Variants in BTC observed in about 807,000 individuals in gnomAD.
BTC encodes the protein probetacellulin.
BTC carries 13 observed loss-of-function variants against 18.1 expected under a neutral mutation model. The ratio of observed to expected loss-of-function variants is 0.72; its 90% CI spans 0.47 to 1.14. The LOEUF is 1.14. Among genes scored for constraint, BTC ranks in the 50% most tolerant of loss-of-function variants. The pLI, the probability that BTC is intolerant of heterozygous loss-of-function variation, is 0.00. For synonymous variants in BTC, 83 were observed against 79.4 expected, an observed-to-expected ratio of 1.05 and a Z score of -0.24; for missense variants, 247 against 224.2, an observed-to-expected ratio of 1.10 and a Z score of -0.65.
chr4:74,772,046 A>G (rs1725057315), intron 1 of BTC, among the ~76,000 whole-genome samples: 1 of 152,212 alleles, frequency 6.6e-6, no homozygotes, highest in East Asian at 1.9e-4. Context: ...ATAATAATAT[A>G]GCGTGATCTG....
chr4:74,785,363 A>G (rs1211045524), intron 1 of BTC, among the ~76,000 whole-genome samples: 1 of 151,976 alleles, frequency 6.6e-6, no homozygotes, highest in East Asian at 1.9e-4. Flanking sequence ...AATTTTTTCA[A>G]AACGCCAGTT....
intron 1 of BTC, among the ~76,000 whole-genome samples, chr4:74,779,379 T>C (rs1002047090): frequency 1.3e-5 from 2 of 152,142 alleles, no homozygotes; most frequent in African/African-American, 4.8e-5. Context: ...CTGTGACAAA[T>C]TGATTGAATG....
intron 1 of BTC, among the ~76,000 whole-genome samples, chr4:74,789,236 T>G (rs1725559434): frequency 6.6e-6 from 1 of 152,204 alleles, no homozygotes; most frequent in South Asian, 2.1e-4. Flanking sequence ...GTGGGCAAAT[T>G]CCTGCCCTAT....
intron 1 of BTC, among the ~76,000 whole-genome samples, chr4:74,784,050 T>C (rs1429865990): frequency 6.6e-6 from 1 of 151,772 alleles, no homozygotes; most frequent in African/African-American, 2.4e-5. Flanking sequence ...CTGGCCAACA[T>C]GATGAAACCC....
rs1425152952 is a variant in BTC, at chr4:74,747,899, G to GA, written c.*1+140dup. The GA allele has an allele frequency of 1.4e-5, 7 of 484,350 alleles. No homozygotes were observed. The East Asian group carries it at 1.7e-4, about 12-fold the overall frequency. 30.0% of individuals were successfully genotyped at this position (484,350 alleles called of 1,614,324 possible). ...TATTTTATCTGGCTTCAGATTCTAT[G>GA]AAAAAAACCATTGATTTATTTTTAG... On this transcript the variant is annotated intron_variant, in intron 5 of 5. Coordinates refer to ENST00000395743, the MANE Select transcript of BTC (RefSeq NM_001729.4).
chr4:74,763,013 T>G (rs1265503115), intron 2 of BTC, among the ~76,000 whole-genome samples: 3 of 152,184 alleles, frequency 2.0e-5, no homozygotes, highest in Non-Finnish European at 4.4e-5. Context: ...AAAGAAATAA[T>G]TAAGCATTTT....
At chr4:74,789,433 T>A (rs1489269065) in intron 1 of BTC, among the ~76,000 whole-genome samples, 1 of 152,226 alleles carries the variant, frequency 6.6e-6, no homozygotes, top group Non-Finnish European at 1.5e-5. Flanking sequence ...ATACATTGAA[T>A]ATTACCTGCC....
At chr4:74,759,542 G>A (rs184647756) in intron 2 of BTC, among the ~76,000 whole-genome samples, 6 of 151,630 alleles carry the variant, frequency 4.0e-5, no homozygotes, top group East Asian at 1.9e-4. Flanking sequence ...TCTATATTCC[G>A]AAGATGCTAA....
chr4:74,779,411 A>G (rs761414398), intron 1 of BTC, among the ~76,000 whole-genome samples: 1 of 152,176 alleles, frequency 6.6e-6, no homozygotes, highest in Non-Finnish European at 1.5e-5. Context: ...TAGGAACTCC[A>G]AAATAATCTG....
intron 2 of BTC, among the ~76,000 whole-genome samples, chr4:74,765,477 T>A (rs1247150057): frequency 6.6e-6 from 1 of 151,966 alleles, no homozygotes; most frequent in Non-Finnish European, 1.5e-5. Flanking sequence ...GTGAAAAAGC[T>A]TAAAGGACTT....
At chr4:74,781,384 CGTGTGTGTGT>C (rs139134613) in intron 1 of BTC, among the ~76,000 whole-genome samples, 6 of 126,476 alleles carry the variant, frequency 4.7e-5, no homozygotes, top group Non-Finnish European at 8.2e-5. Flanking sequence ...TCTCTCGTCA[CGTGTGTGTGT>C]GTGTGTGTGT....
At chr4:74,747,574 C>A (rs1445237951) in intron 5 of BTC, among the ~76,000 whole-genome samples, 2 of 152,112 alleles carry the variant, frequency 1.3e-5, no homozygotes, top group Non-Finnish European at 2.9e-5. Flanking sequence ...AACCTTGATC[C>A]ATGGTTCTTG....
At chr4:74,768,004 G>A (rs758935516) in intron 2 of BTC, among the ~76,000 whole-genome samples, 1 of 152,014 alleles carries the variant, frequency 6.6e-6, no homozygotes, top group Non-Finnish European at 1.5e-5. Flanking sequence ...CAAAAGCACA[G>A]GTGACAAAAG....
intron 1 of BTC, among the ~76,000 whole-genome samples, chr4:74,788,229 C>G (rs1725532631): frequency 6.6e-6 from 1 of 152,114 alleles, no homozygotes; most frequent in Non-Finnish European, 1.5e-5. Flanking sequence ...TCCTTTAGAA[C>G]TGCACAAAAT....
intron 1 of BTC, among the ~76,000 whole-genome samples, chr4:74,791,109 A>G (rs1725612610): frequency 6.6e-6 from 1 of 152,200 alleles, no homozygotes; most frequent in Non-Finnish European, 1.5e-5. Flanking sequence ...ACAAATATTT[A>G]TCTGCTACGA....
intron 1 of BTC, among the ~76,000 whole-genome samples, chr4:74,772,807 A>C (rs1449037895): frequency 6.6e-6 from 1 of 152,210 alleles, no homozygotes; most frequent in African/African-American, 2.4e-5. Context: ...GTCCAGTTGC[A>C]CGCCTTCTCA....
intron 1 of BTC, among the ~76,000 whole-genome samples, chr4:74,789,543 G>A (rs1725566995): frequency 6.6e-6 from 1 of 152,038 alleles, no homozygotes; most frequent in Non-Finnish European, 1.5e-5. Flanking sequence ...TTCTATAGGT[G>A]AGAAAATTAC....
chr4:74,764,008 A>G (rs1014091715), intron 2 of BTC, among the ~76,000 whole-genome samples: 7 of 152,026 alleles, frequency 4.6e-5, no homozygotes, highest in Admixed American at 2.6e-4. Context: ...AAATAATAAT[A>G]ATAAATTTTA....
chr4:74,760,142 C>A (rs1724710876), intron 2 of BTC, among the ~76,000 whole-genome samples: 1 of 152,168 alleles, frequency 6.6e-6, no homozygotes, highest in Non-Finnish European at 1.5e-5. Context: ...ACTCAAAGGG[C>A]AATCAATACT....
Sources: gnomAD v4.1 joint callset for allele counts (sites outside exome capture counted in the v4.1 genomes callset) on GRCh38, gnomAD v4.1.1 for gene constraint, MANE v1.5 for transcripts, NCBI Gene and HGNC (gene_info 2026-07-23, HGNC 2026-07-21) for gene names.